LRRC37A2: variants seen among roughly 807,000 people sequenced by gnomAD.
LRRC37A2 encodes leucine-rich repeat-containing protein 37A2.
A neutral mutation model predicts 68.8 loss-of-function variants in LRRC37A2; 9 were observed. That is an observed-to-expected ratio of 0.13 (90% confidence interval 0.08 to 0.23). The LOEUF (loss-of-function observed/expected upper bound fraction) is 0.23. Ranked by LOEUF, LRRC37A2 falls within the 10% of genes least tolerant of loss-of-function variation. The pLI, the probability that LRRC37A2 is intolerant of heterozygous loss-of-function variation, is 1.00. For synonymous variants in LRRC37A2, 63 were observed against 367.6 expected (o/e 0.17, Z 9.48); for missense variants, 168 against 950.4 (o/e 0.18, Z 10.82).
the LRRC37A2 span, chr17:46,935,179 C>T: frequency 6.2e-7 from 1 of 1,613,818 alleles, no homozygotes; most frequent in Non-Finnish European, 8.5e-7. Context: ...GGTGGGGTCC[C>T]TGCTGGGGGA....
the LRRC37A2 span, among the ~76,000 whole-genome samples, chr17:46,673,910 GGT>G: frequency 0.18 from 1,226 of 6,990 alleles, 519 homozygotes; most frequent in African/African-American, 0.28. Flanking sequence ...ATTCCATGGG[GGT>G]GTGTGTGTGT....
At chr17:46,503,166 C>G in the LRRC37A2 span, among the ~76,000 whole-genome samples, 1 of 142,212 alleles carries the variant, frequency 7.0e-6, no homozygotes, top group Non-Finnish European at 1.5e-5. Flanking sequence ...GAGCCGAGAT[C>G]ATGCCACTGC....
chr17:46,499,472 A>G, the LRRC37A2 span, among the ~76,000 whole-genome samples: 1 of 148,954 alleles, frequency 6.7e-6, no homozygotes, highest in African/African-American at 2.6e-5. Flanking sequence ...CAATCTTGGC[A>G]TGACTTTACC....
At chr17:46,703,680 CAAAAAAAAAAAA>C in the LRRC37A2 span, among the ~76,000 whole-genome samples, 1 of 37,724 alleles carries the variant, frequency 2.7e-5, no homozygotes, top group Non-Finnish European at 5.0e-5. Flanking sequence ...GACTCCGTCT[CAAAAAAAAAAAA>C]AAAAAAAAAA....
chr17:46,445,092 A>C, the LRRC37A2 span, among the ~76,000 whole-genome samples: 2 of 80,490 alleles, frequency 2.5e-5, no homozygotes, highest in Non-Finnish European at 5.2e-5. Flanking sequence ...TATTAATGTT[A>C]AGCTGTGAAA....
At chr17:46,941,393 AT>A in the LRRC37A2 span, 1 of 982,668 alleles carries the variant, frequency 1.0e-6, no homozygotes, top group Non-Finnish European at 1.2e-6. Flanking sequence ...TTCGATATTC[AT>A]TTTTATAACT....
chr17:46,831,936 C>T, the LRRC37A2 span, among the ~76,000 whole-genome samples: 1 of 152,264 alleles, frequency 6.6e-6, no homozygotes, highest in Non-Finnish European at 1.5e-5. Flanking sequence ...TCAGGGCAGA[C>T]CAGGACACTG....
chr17:46,766,043 C>T, the LRRC37A2 span, among the ~76,000 whole-genome samples: 2 of 152,026 alleles, frequency 1.3e-5, no homozygotes, highest in Non-Finnish European at 2.9e-5. Context: ...CTATGTAGCA[C>T]TTTACATAAG....
chr17:46,908,949 G>T, the LRRC37A2 span, among the ~76,000 whole-genome samples: 1 of 152,218 alleles, frequency 6.6e-6, no homozygotes, highest in Non-Finnish European at 1.5e-5. Flanking sequence ...TGGGCTGTCA[G>T]GCTGGGAGAG....
chr17:46,550,839 C>T lies in LRRC37A2; in HGVS notation c.4809+320C>T, dbSNP rs554512890. On this transcript the variant is annotated intron_variant, in intron 11 of 14. Transcript: ENST00000576629. ...TCATCAAGTCACCCTTACTCTGCCA[C>T]TAATTTATTTCCTTGTTGCTGAAAT... Among the ~76,000 whole-genome samples, 5 of 132,292 alleles carry T rather than the reference C, an allele frequency of 3.8e-5. No homozygotes were observed. The East Asian group carries it at 1.1e-3, about 29-fold the overall frequency. The allele number at this position is 132,292 out of a possible 152,430, so 86.8% of individuals were successfully genotyped here. A position where few individuals can be genotyped will look rare whatever the true frequency, so the allele number is the denominator to read the frequency against.
the LRRC37A2 span, among the ~76,000 whole-genome samples, chr17:46,965,822 G>A: frequency 6.6e-6 from 1 of 151,292 alleles, no homozygotes; most frequent in South Asian, 2.1e-4. Flanking sequence ...GTAGAGGCGG[G>A]GTCTCATTAT....
At chr17:46,971,389 C>G in the LRRC37A2 span, among the ~76,000 whole-genome samples, 1 of 151,998 alleles carries the variant, frequency 6.6e-6, no homozygotes, top group African/African-American at 2.4e-5. Context: ...GGACACACTC[C>G]ATGGCTTCTG....
At chr17:46,793,182 G>C in the LRRC37A2 span, among the ~76,000 whole-genome samples, 14 of 149,342 alleles carry the variant, frequency 9.4e-5, no homozygotes, top group African/African-American at 3.2e-4. Flanking sequence ...GCTGAGTTGG[G>C]AGGATTGCTT....
chr17:46,968,512 G>A, the LRRC37A2 span, among the ~76,000 whole-genome samples: 4 of 152,228 alleles, frequency 2.6e-5, no homozygotes, highest in Non-Finnish European at 2.9e-5. Flanking sequence ...CCCAGCCCCT[G>A]CCATGGGAAG....
chr17:46,456,268 ATAAT>A, the LRRC37A2 span, among the ~76,000 whole-genome samples: 2 of 103,074 alleles, frequency 1.9e-5, no homozygotes, highest in Non-Finnish European at 4.3e-5. Flanking sequence ...ATGATATATA[ATAAT>A]TATATATAAT....
the LRRC37A2 span, among the ~76,000 whole-genome samples, chr17:46,739,732 A>AT: frequency 0.012 from 1,814 of 147,192 alleles, 43 homozygotes; most frequent in African/African-American, 0.043. Flanking sequence ...TTTTTTTCTG[A>AT]TTTTTTTTTT....
chr17:46,865,421 G>A, the LRRC37A2 span, among the ~76,000 whole-genome samples: 3,898 of 152,172 alleles, frequency 0.026, 153 homozygotes, highest in African/African-American at 0.084. Flanking sequence ...ATGGGTGGGG[G>A]ACGAGGCTGT....
the LRRC37A2 span, among the ~76,000 whole-genome samples, chr17:46,405,018 C>T: frequency 3.9e-4 from 34 of 87,360 alleles, 6 homozygotes; most frequent in African/African-American, 1.2e-3. Context: ...GCCTGGGCAA[C>T]GTGATGAAAC....
the LRRC37A2 span, chr17:46,937,727 G>C: frequency 6.6e-6 from 1 of 152,134 alleles, no homozygotes; most frequent in Non-Finnish European, 1.5e-5. Context: ...ATGTTTCCAA[G>C]GTTCATTCAT....
Sources: allele counts gnomAD v4.1 joint callset (sites outside exome capture counted in the v4.1 genomes callset), GRCh38; gene constraint gnomAD v4.1.1; transcripts MANE v1.5; gene names NCBI Gene and HGNC (gene_info 2026-07-23, HGNC 2026-07-21).